KCNN1: variants seen among roughly 807,000 people sequenced by gnomAD.
KCNN1 encodes the protein small conductance calcium-activated potassium channel protein 1.
In KCNN1, 20 loss-of-function variants were observed where a neutral mutation model predicts 44.7. That is an observed-to-expected ratio of 0.45 (90% CI 0.32 to 0.65). The LOEUF (loss-of-function observed/expected upper bound fraction) is 0.65, where lower values mean the gene tolerates loss of function less well. Among genes scored for constraint, KCNN1 ranks in the 30% least tolerant of loss-of-function variants. KCNN1 has a pLI of 0.05. For synonymous variants in KCNN1, 324 were observed against 341.7 expected, an observed-to-expected ratio of 0.95 and a Z score of 0.57; for missense variants, 632 against 785.3, an observed-to-expected ratio of 0.80 and a Z score of 2.33.
chr19:17,995,073 T>C (rs1319627750), intron 9 of KCNN1, among the ~76,000 whole-genome samples: 4 of 152,220 alleles, frequency 2.6e-5, no homozygotes, highest in Non-Finnish European at 5.9e-5. Flanking sequence ...TTTTATTTCT[T>C]GTCCCCAGTG....
At position 17,999,651 on chromosome 19, in the gene KCNN1, C is replaced by T. The variant is rs994667810; in HGVS notation, c.*1245C>T. On this transcript the variant is annotated 3_prime_UTR_variant, in exon 10 of 10. Coordinates refer to ENST00000684775, the MANE Select transcript of KCNN1 (RefSeq NM_001386974.1). ...CAGACACAAGTAGAATCAGAAAGGT[C>T]CCTGGAGGCCATGGGCTTGGGTGCT... is the stretch of plus-strand genomic sequence containing the variant. 2 of 235,408 alleles carry T rather than the reference C, an allele frequency of 8.5e-6. No individual in the cohort carries two copies. Among genetic ancestry groups the T allele is most frequent in the African/African-American group, 2.2e-5 (1 of 44,740 alleles). 14.6% of individuals were successfully genotyped at this position (235,408 alleles called of 1,614,324 possible). A position where few individuals can be genotyped will look rare whatever the true frequency, so the allele number is the denominator to read the frequency against.
At chr19:17,989,186 G>A (rs949525578) in intron 6 of KCNN1, among the ~76,000 whole-genome samples, 5 of 152,280 alleles carry the variant, frequency 3.3e-5, no homozygotes, top group African/African-American at 1.2e-4. Context: ...GGCCGGGCGC[G>A]GTGGCTCACG....
intron 1 of KCNN1, among the ~76,000 whole-genome samples, chr19:17,968,425 TG>T (rs1232431026): frequency 1.1e-4 from 9 of 80,896 alleles, no homozygotes; most frequent in Non-Finnish European, 1.1e-4. Flanking sequence ...AGTGGGGGGG[TG>T]GGGGGGAGGC....
intron 2 of KCNN1, among the ~76,000 whole-genome samples, chr19:17,958,733 C>T (rs1428845094): frequency 2.7e-5 from 4 of 147,848 alleles, no homozygotes; most frequent in Non-Finnish European, 4.5e-5. Flanking sequence ...AGTCTTGCCT[C>T]GTCGCCCAGG....
At chr19:17,963,353 C>T (rs1398558449), upstream of KCNN1, among the ~76,000 whole-genome samples, 9 of 150,816 alleles carry the variant, frequency 6.0e-5, no homozygotes, top group Non-Finnish European at 8.8e-5. Context: ...CACTCTGTCG[C>T]CCAGGCTGTA....
At chr19:17,992,540 G>T (rs2032830564) in intron 7 of KCNN1, among the ~76,000 whole-genome samples, 1 of 152,226 alleles carries the variant, frequency 6.6e-6, no homozygotes, top group South Asian at 2.1e-4. Flanking sequence ...AGTGGAGGTT[G>T]CAGTGAGCTG....
At chr19:17,966,604 C>A (rs12974434), upstream of KCNN1, among the ~76,000 whole-genome samples, 17,833 of 152,040 alleles carry the variant, frequency 0.12, 1,119 homozygotes, top group South Asian at 0.15. Context: ...ACCGAGTGCC[C>A]CAGCATGTAC....
In KCNN1 at chr19:17,974,376, C is replaced by A. The variant is rs2032135258; in HGVS notation, c.402+86C>A. On this transcript the variant is annotated intron_variant, in intron 2 of 9. Coordinates refer to ENST00000684775, the MANE Select transcript of KCNN1 (RefSeq NM_001386974.1). This position sits in a 1 kb window ranked among gnomAD's most constrained non-coding sequence, Gnocchi z 7.3. ...TGACATGGGGTTGGGGGTGGCAGGGCCCCCCGGGAGATAGGGAGTGTTAGG... is the reference window on the plus strand; with the variant it reads ...TGACATGGGGTTGGGGGTGGCAGGGACCCCCGGGAGATAGGGAGTGTTAGG... The A allele has an allele frequency of 2.8e-6, 4 of 1,414,800 alleles. No individual in the cohort carries two copies. The highest frequency in any genetic ancestry group is 2.7e-5 in the Admixed American group (1 of 36,994). 87.6% of individuals were successfully genotyped at this position (1,414,800 alleles called of 1,614,324 possible).
chr19:17,973,919 G>C lies in KCNN1; in HGVS notation c.31G>C (p.Gly11Arg). Residue 11 changes from glycine (G) to arginine (R), a missense_variant, in exon 2 of 10, where the codon GGG (glycine) becomes CGG (arginine). Physicochemically the swap from Gly to Arg is moderately radical, Grantham distance 125. Around this residue, in one of 3 missense-constraint regions of KCNN1, gnomAD observed 235 missense variants for 224.0 expected, o/e 1.05. Coordinates refer to ENST00000684775, the MANE Select transcript of KCNN1 (RefSeq NM_001386974.1). ...CAGCCACAGCTACAATGGCAGCGTG[G>C]GGCGGCCGCTGGGCAGCGGGCCGGG... MNSHSYNGSV[G>R]RPLGSGPGAL... 1 of 1,554,720 alleles carries C rather than the reference G, an allele frequency of 6.4e-7. No homozygotes were observed. The highest frequency in any genetic ancestry group is 8.7e-7 in the Non-Finnish European group (1 of 1,151,362).
intron 3 of KCNN1, among the ~76,000 whole-genome samples, chr19:17,977,357 T>C (rs956590397): frequency 6.6e-6 from 1 of 152,012 alleles, no homozygotes; most frequent in African/African-American, 2.4e-5. Flanking sequence ...CTTTTTTTTT[T>C]TTGAGACAGA....
chr19:17,986,580 T>A (rs1401143620), intron 5 of KCNN1, among the ~76,000 whole-genome samples: 1 of 152,144 alleles, frequency 6.6e-6, no homozygotes, highest in East Asian at 1.9e-4. Context: ...GTCATCGGGG[T>A]CCCTGTCCAT....
intron 3 of KCNN1, among the ~76,000 whole-genome samples, 155 bp downstream of exon 3, chr19:17,975,342 C>T (rs1457489846): frequency 6.6e-6 from 1 of 152,186 alleles, no homozygotes; most frequent in Non-Finnish European, 1.5e-5. Context: ...CAGTTTCCAT[C>T]ATTCTAGATT....
In KCNN1 at chr19:17,998,227, C is replaced by G. The variant is rs1323604491; in HGVS notation, c.1453C>G (p.Leu485Val). 1.9e-6 allele frequency: 3 copies of G among 1,581,552 alleles called. No individual in the cohort carries two copies. In the East Asian group the frequency reaches 7.0e-5, roughly 37 times the overall value. ...HEELEARLAT[L>V]ESRLDALGAS... ...GGAGCTGGAGGCCCGCCTGGCCACC[C>G]TGGAAAGCCGCTTGGATGCGCTGGG... Residue 485 changes from leucine to valine, a missense_variant, in exon 10 of 10, where the codon CTG (leucine) becomes GTG (valine). Physicochemically the swap from Leu to Val is conservative, Grantham distance 32 (BLOSUM62 1). Coordinates refer to ENST00000684775, the MANE Select transcript of KCNN1 (RefSeq NM_001386974.1). The surrounding 1 kb of genome is among the most constrained non-coding windows in gnomAD (Gnocchi z 5.4).
At chr19:17,953,911 C>G (rs1021588434) in intron 1 of KCNN1, among the ~76,000 whole-genome samples, 15 of 152,118 alleles carry the variant, frequency 9.9e-5, no homozygotes, top group Non-Finnish European at 2.2e-4. Flanking sequence ...GCCTGGGTGA[C>G]AAAATGTCAC....
intron 6 of KCNN1, 78 bp downstream of exon 6, chr19:17,988,603 C>T (rs534114700): frequency 5.4e-5 from 58 of 1,080,092 alleles, no homozygotes; most frequent in East Asian, 2.5e-4. Context: ...TCCCTCTGTA[C>T]GTGCCGGGCA....
At chr19:17,959,550 C>G (rs1407248834) in intron 2 of KCNN1, among the ~76,000 whole-genome samples, 1 of 151,996 alleles carries the variant, frequency 6.6e-6, no homozygotes, top group African/African-American at 2.4e-5. Context: ...GCCACCGCAC[C>G]CGGTTATATT....
intron 2 of KCNN1, among the ~76,000 whole-genome samples, chr19:17,956,920 T>C (rs2145899262): frequency 6.6e-6 from 1 of 151,126 alleles, no homozygotes; most frequent in South Asian, 2.1e-4. Flanking sequence ...ATGTCGGGAG[T>C]GCCTGTAATC....
rs138220168 is a variant in KCNN1, at chr19:17,985,116, G to C, written c.918-196G>C. On this transcript the variant is annotated intron_variant, in intron 4 of 9. Coordinates refer to ENST00000684775, the MANE Select transcript of KCNN1 (RefSeq NM_001386974.1). ...CTGCCCCATCCAGGGAAGCAGCTTG[G>C]GGGGGCAGGCAAAGGGAATGTGGAA... Among the ~76,000 whole-genome samples the C allele has an allele frequency of 3.7e-4, 56 of 152,238 alleles. No homozygotes were observed. In the East Asian group the frequency reaches 6.2e-3, roughly 17 times the overall value.
In KCNN1 at chr19:17,973,799, C is replaced by G; in HGVS notation, c.-81-9C>G. The G allele has an allele frequency of 4.0e-6, 6 of 1,502,394 alleles. No individual in the cohort carries two copies. Among genetic ancestry groups the G allele is most frequent in the Non-Finnish European group, 5.3e-6 (6 of 1,132,804 alleles). 93.1% of individuals were successfully genotyped at this position (1,502,394 alleles called of 1,614,324 possible). On this transcript the variant is annotated splice_polypyrimidine_tract_variant and intron_variant, in intron 1 of 9. Coordinates refer to ENST00000684775, the MANE Select transcript of KCNN1 (RefSeq NM_001386974.1). ...CCTGCTGTGACCATGTCCCTCTGTG[C>G]CCTTGCAGGTCAGTGCAGGAGCCCA...
Sources: gnomAD v4.1 joint callset for allele counts (sites outside exome capture counted in the v4.1 genomes callset) on GRCh38, gnomAD v4.1.1 for gene constraint, gnomAD v4.1.1 regional missense constraint, Gnocchi (gnomAD v3.1) non-coding constraint, MANE v1.5 for transcripts, NCBI Gene and HGNC (gene_info 2026-07-23, HGNC 2026-07-21) for gene names.